The following SPG11 variants were observed in gnomAD, a reference collection of about 807,000 sequenced individuals.
SPG11 encodes spatacsin.
Under a neutral mutation model 274.0 loss-of-function variants are expected in SPG11, and 222 were observed. The observed-to-expected ratio is 0.81, with a 90% CI of 0.73 to 0.91. The LOEUF (loss-of-function observed/expected upper bound fraction) is 0.91. Ranked by LOEUF, SPG11 falls within the 40% of genes least tolerant of loss-of-function variation. SPG11 has a pLI of 0.00. For synonymous variants in SPG11, 1,144 were observed against 1,039.7 expected (o/e 1.10, Z -1.93); for missense variants, 3,114 against 2,872.7 (o/e 1.08, Z -1.92).
At chr15:44,582,097 T>C (rs924044000) in intron 30 of SPG11, among the ~76,000 whole-genome samples, 1 of 152,198 alleles carries the variant, frequency 6.6e-6, no homozygotes, top group African/African-American at 2.4e-5. Flanking sequence ...TCTTCCAAAA[T>C]GGAAATCTCC....
chr15:44,579,526 CAAAAAAA>C (rs954664107), intron 30 of SPG11, among the ~76,000 whole-genome samples: 5 of 51,844 alleles, frequency 9.6e-5, no homozygotes, highest in East Asian at 5.7e-4. Context: ...GACTCCGTCT[CAAAAAAA>C]AAAAAAAAAA....
intron 2 of SPG11, among the ~76,000 whole-genome samples, 166 bp from the exon 3 acceptor site, chr15:44,659,469 A>T (rs2085039239): frequency 6.6e-6 from 1 of 152,194 alleles, no homozygotes; most frequent in Non-Finnish European, 1.5e-5. Context: ...AGTCACTGGG[A>T]GGTAGGTAAG....
intron 30 of SPG11, among the ~76,000 whole-genome samples, chr15:44,577,133 T>C (rs1467564809): frequency 6.6e-6 from 1 of 151,782 alleles, no homozygotes; most frequent in Non-Finnish European, 1.5e-5. Context: ...CAGTCTGAAC[T>C]GACTTTTTAC....
intron 29 of SPG11, among the ~76,000 whole-genome samples, chr15:44,585,387 C>T (rs2082735518): frequency 6.8e-6 from 1 of 146,366 alleles, no homozygotes; most frequent in African/African-American, 2.6e-5. Flanking sequence ...CAGATCAAGA[C>T]CATCCTGGCT....
rs2083993988 is a variant in SPG11, at chr15:44,629,378, C to T, written c.1746G>A (p.Glu582=). 2 of 1,613,990 alleles carry T rather than the reference C, an allele frequency of 1.2e-6. No homozygotes were observed. Among genetic ancestry groups the T allele is most frequent in the Non-Finnish European group, 1.7e-6 (2 of 1,179,942 alleles). The part of the protein sequence containing the change: ...SSHLYLRNVE[E]LIPALDLLCS... Reference sequence around the variant, plus strand: ...AAAGTAAATCCAATGCTGGTATCAGCTCTTCCACATCTGAGAAAGAACCAA... The same window carrying T: ...AAAGTAAATCCAATGCTGGTATCAGTTCTTCCACATCTGAGAAAGAACCAA... The change falls in exon 9 of 40, where the codon GAG becomes GAA. Residue 582 remains glutamate (E), a synonymous_variant. Transcript: ENST00000261866.
chr15:44,580,089 A>T (rs780888240), intron 30 of SPG11, among the ~76,000 whole-genome samples: 76 of 152,238 alleles, frequency 5.0e-4, no homozygotes, highest in Non-Finnish European at 7.8e-4. Flanking sequence ...AAAATTTTTT[A>T]AATGAAAATC....
chr15:44,616,316 C>G (rs2083592540), intron 15 of SPG11, among the ~76,000 whole-genome samples: 1 of 151,780 alleles, frequency 6.6e-6, no homozygotes. Context: ...AGTGATCCTC[C>G]TACCTCAGCC....
chr15:44,628,618 C>A (rs1466567150), intron 10 of SPG11, 51 bp downstream of exon 10: 2 of 1,501,750 alleles, frequency 1.3e-6, no homozygotes, highest in South Asian at 1.1e-5. Context: ...ATTGTTTTCT[C>A]AGACCTTCTG....
chr15:44,568,012 T>G (rs1251367615), intron 35 of SPG11, among the ~76,000 whole-genome samples: 1 of 152,162 alleles, frequency 6.6e-6, no homozygotes, highest in Non-Finnish European at 1.5e-5. Flanking sequence ...GAGGATGATT[T>G]GTTGATTTGG....
At chr15:44,574,192 T>TG (rs1274103660) in intron 31 of SPG11, among the ~76,000 whole-genome samples, 1 of 152,168 alleles carries the variant, frequency 6.6e-6, no homozygotes, top group African/African-American at 2.4e-5. Context: ...TTGGTAGAGA[T>TG]GGGGTTTCTC....
rs762381405 is a variant in SPG11, at chr15:44,663,594, G to GC, written c.53dup (p.Thr19HisfsTer76). The GC allele has an allele frequency of 1.3e-6, 2 of 1,596,450 alleles. No homozygotes were observed. The highest frequency in any genetic ancestry group is 1.7e-5 in the Admixed American group (1 of 58,624). Reference sequence around the variant, plus strand: ...GTAGAACCCGCCCCATGGCCGCGGTGCCCCAGCTACCGCCGGCGGAAGCAG... The same window carrying GC: ...GTAGAACCCGCCCCATGGCCGCGGTGCCCCCAGCTACCGCCGGCGGAAGCAG... On this transcript the variant is annotated frameshift_variant, in exon 1 of 40. Coordinates refer to ENST00000261866, the MANE Select transcript of SPG11 (RefSeq NM_025137.4). LOFTEE classifies it high-confidence loss of function.
chr15:44,583,814 T>C lies in SPG11; in HGVS notation c.5866A>G (p.Thr1956Ala). The change falls in exon 30 of 40, where the codon ACT becomes GCT. Residue 1956 changes from threonine to alanine, a missense_variant and splice_region_variant. Physicochemically the swap from Thr to Ala is moderately conservative, Grantham distance 58 (BLOSUM62 0). Coordinates refer to ENST00000261866, the MANE Select transcript of SPG11 (RefSeq NM_025137.4). ...GGGCCATCTGATCTCCTTCACTTAC[T>C]GCTGTGGACTCTCCTTAGGGGAATG... ...PDIPLRRVHSTSSLDSQKFVT... is the reference protein window; with the variant it reads ...PDIPLRRVHSASSLDSQKFVT... 6.2e-7 allele frequency: 1 copy of C among 1,614,174 alleles called. No homozygotes were observed. The highest frequency in any genetic ancestry group is 8.5e-7 in the Non-Finnish European group (1 of 1,180,026).
chr15:44,639,243 G>A (rs945840284), intron 7 of SPG11, among the ~76,000 whole-genome samples: 1 of 150,460 alleles, frequency 6.6e-6, no homozygotes, highest in South Asian at 2.1e-4. Context: ...CTTACAAAGG[G>A]TATCTTAAAA....
chr15:44,578,514 AG>A (rs142512232), intron 30 of SPG11, among the ~76,000 whole-genome samples: 12,688 of 152,136 alleles, frequency 0.083, 1,345 homozygotes, highest in African/African-American at 0.23. Context: ...GAGAAGCCTC[AG>A]GGGGAAAAAC....
intron 20 of SPG11, among the ~76,000 whole-genome samples, chr15:44,603,088 G>C (rs2083237451): frequency 8.2e-6 from 1 of 122,182 alleles, no homozygotes; most frequent in Non-Finnish European, 1.7e-5. Flanking sequence ...ACAGGGTCTT[G>C]CTGTTGCCCA....
chr15:44,573,423 A>G, intron 32 of SPG11, 124 bp downstream of exon 32: 1 of 983,672 alleles, frequency 1.0e-6, no homozygotes, highest in Admixed American at 2.0e-5. Context: ...AAAATACATT[A>G]CTGCAATCCA....
chr15:44,614,591 C>T (rs1056076813), intron 16 of SPG11, among the ~76,000 whole-genome samples: 11 of 152,146 alleles, frequency 7.2e-5, no homozygotes, highest in Admixed American at 2.6e-4. Flanking sequence ...CAAATGTGGG[C>T]TCCAGAATAA....
intron 30 of SPG11, chr15:44,575,285 G>A (rs946716431): frequency 2.0e-6 from 1 of 493,086 alleles, no homozygotes. Flanking sequence ...CCTAATGAGT[G>A]CTCTAGAGAT....
intron 7 of SPG11, among the ~76,000 whole-genome samples, chr15:44,636,958 C>CAA (rs1328250311): frequency 3.4e-5 from 3 of 89,102 alleles, no homozygotes; most frequent in Admixed American, 1.3e-4. Flanking sequence ...AAAAAAAAAA[C>CAA]AAAAAAAAAA....
Sources: gnomAD v4.1 joint callset for allele counts (sites outside exome capture counted in the v4.1 genomes callset) on GRCh38, gnomAD v4.1.1 for gene constraint, MANE v1.5 for transcripts, NCBI Gene and HGNC (gene_info 2026-07-23, HGNC 2026-07-21) for gene names.